SEMA3A: variants seen among roughly 807,000 people sequenced by gnomAD.
SEMA3A encodes semaphorin 3A, also known as semaphorin-3A.
Under a neutral mutation model 97.9 loss-of-function variants are expected in SEMA3A, and 29 were observed. The observed-to-expected ratio is 0.30, with a 90% CI of 0.22 to 0.40. The LOEUF is 0.40. Ranked by LOEUF, SEMA3A falls within the 10% of genes least tolerant of loss-of-function variation. The pLI, the probability that SEMA3A is intolerant of heterozygous loss-of-function variation, is 1.00. For missense variants in SEMA3A, 763 were observed against 951.3 expected, an observed-to-expected ratio of 0.80 and a Z score of 2.60; for synonymous variants, 321 against 323.7, an observed-to-expected ratio of 0.99 and a Z score of 0.09.
Position 84,106,145 on chromosome 7 carries a change from G to T in SEMA3A, c.453+4325C>A, listed in dbSNP as rs1015611769. Among the ~76,000 whole-genome samples, 6 of 152,258 alleles carry T rather than the reference G, an allele frequency of 3.9e-5. No homozygotes were observed. In the East Asian group the frequency reaches 1.2e-3, roughly 29 times the overall value. ...GTAGATTTTGGAATACGCTATTCAG[G>T]AGTGTAAATACAGTCAGGTGACACA... is the stretch of plus-strand genomic sequence containing the variant. On this transcript the variant is annotated intron_variant, in intron 4 of 16. Transcript: ENST00000265362.
At chr7:84,068,630 C>T (rs144791608) in intron 4 of SEMA3A, among the ~76,000 whole-genome samples, 4 of 152,076 alleles carry the variant, frequency 2.6e-5, no homozygotes, top group Non-Finnish European at 5.9e-5. Flanking sequence ...TTCTTGTACT[C>T]AATAAGACAT....
chr7:84,216,962 A>C (rs1798767768), intron 3 of SEMA3A, among the ~76,000 whole-genome samples: 1 of 152,198 alleles, frequency 6.6e-6, no homozygotes, highest in Non-Finnish European at 1.5e-5. Context: ...CCCATATTGC[A>C]ATCAATTTGA....
intron 1 of SEMA3A, among the ~76,000 whole-genome samples, chr7:84,456,623 AT>A (rs1346858077): frequency 2.6e-5 from 4 of 151,830 alleles, no homozygotes; most frequent in African/African-American, 9.7e-5. Context: ...GCATACCTGG[AT>A]TTAGGTAACT....
chr7:84,289,477 C>T (rs371141264), intron 3 of SEMA3A, among the ~76,000 whole-genome samples: 1 of 151,970 alleles, frequency 6.6e-6, no homozygotes, highest in Non-Finnish European at 1.5e-5. Context: ...CCATACTATA[C>T]CCCATAAATA....
chr7:83,980,673 T>C (rs2116317467), intron 14 of SEMA3A, among the ~76,000 whole-genome samples: 1 of 145,062 alleles, frequency 6.9e-6, no homozygotes, highest in African/African-American at 2.5e-5. Context: ...TATACACATA[T>C]ACATATAGAT....
At chr7:84,107,678 T>G (rs1463957616) in intron 4 of SEMA3A, among the ~76,000 whole-genome samples, 2 of 152,246 alleles carry the variant, frequency 1.3e-5, no homozygotes, top group East Asian at 3.9e-4. Flanking sequence ...ACCTCTTCAT[T>G]TCCCCAGCTG....
chr7:84,302,955 C>CAAAGAA (rs1317812390), intron 3 of SEMA3A, among the ~76,000 whole-genome samples: 1 of 151,404 alleles, frequency 6.6e-6, no homozygotes, highest in Non-Finnish European at 1.5e-5. Context: ...TACAGATTAG[C>CAAAGAA]AAAGAAAAAG....
chr7:84,227,382 T>G (rs2116348248), intron 3 of SEMA3A, among the ~76,000 whole-genome samples: 1 of 152,090 alleles, frequency 6.6e-6, no homozygotes, highest in South Asian at 2.1e-4. Flanking sequence ...CCTCATTTCT[T>G]GAAACAACAG....
At chr7:84,492,119 G>A (rs549890129) in intron 1 of SEMA3A, among the ~76,000 whole-genome samples, 8 of 152,112 alleles carry the variant, frequency 5.3e-5, no homozygotes, top group East Asian at 1.9e-4. Context: ...GTGTGTTCTC[G>A]AAACTGACAA....
At chr7:84,369,376 T>C (rs540487574) in intron 2 of SEMA3A, among the ~76,000 whole-genome samples, 3 of 150,886 alleles carry the variant, frequency 2.0e-5, no homozygotes, top group Admixed American at 1.3e-4. Flanking sequence ...TTCAACGTAC[T>C]TTTTTTTCCA....
At chr7:84,076,100 T>C (rs1490552050) in intron 4 of SEMA3A, among the ~76,000 whole-genome samples, 4 of 152,156 alleles carry the variant, frequency 2.6e-5, no homozygotes, top group Non-Finnish European at 5.9e-5. Flanking sequence ...GCAAAACCTA[T>C]AGAAATTTAG....
At chr7:84,280,460 T>C (rs1036524152) in intron 3 of SEMA3A, among the ~76,000 whole-genome samples, 164 of 152,258 alleles carry the variant, frequency 1.1e-3, no homozygotes, top group Middle Eastern at 3.4e-3. Context: ...AGAAATCCTT[T>C]GTTCCATTAC....
chr7:84,409,902 T>C (rs1016332618), intron 1 of SEMA3A, among the ~76,000 whole-genome samples: 1 of 152,136 alleles, frequency 6.6e-6, no homozygotes, highest in African/African-American at 2.4e-5. Context: ...TCTCCTATTG[T>C]GAGGTATAAA....
chr7:84,403,709 G>A (rs1057342815), intron 1 of SEMA3A, among the ~76,000 whole-genome samples: 1 of 152,118 alleles, frequency 6.6e-6, no homozygotes, highest in Non-Finnish European at 1.5e-5. Flanking sequence ...CCAGAGGAAC[G>A]ATCAGGCAGC....
chr7:84,459,942 G>T (rs535995299), intron 1 of SEMA3A, among the ~76,000 whole-genome samples: 1 of 152,124 alleles, frequency 6.6e-6, no homozygotes, highest in Non-Finnish European at 1.5e-5. Flanking sequence ...TGGGAAGATC[G>T]CTTGAGTCTG....
chr7:84,244,733 C>T (rs1799441913), intron 3 of SEMA3A, among the ~76,000 whole-genome samples: 1 of 152,022 alleles, frequency 6.6e-6, no homozygotes. Flanking sequence ...CCAGTTTTTC[C>T]TTTCCATATT....
chr7:83,968,449 T>C (rs1266709331), intron 15 of SEMA3A, among the ~76,000 whole-genome samples: 1 of 152,232 alleles, frequency 6.6e-6, no homozygotes, highest in East Asian at 1.9e-4. Flanking sequence ...AAAATTTTTC[T>C]TTCTGGTTTT....
At chr7:84,460,127 A>C (rs950383776) in intron 1 of SEMA3A, among the ~76,000 whole-genome samples, 2 of 152,216 alleles carry the variant, frequency 1.3e-5, no homozygotes, top group Non-Finnish European at 2.9e-5. Flanking sequence ...TAATGTTATT[A>C]CTTCTACTTT....
chr7:84,021,388 C>A (rs1337074848), intron 6 of SEMA3A, among the ~76,000 whole-genome samples: 1 of 152,058 alleles, frequency 6.6e-6, no homozygotes, highest in African/African-American at 2.4e-5. Context: ...CCTCTCTCGC[C>A]TTCAGCTTCT....
Sources: allele counts gnomAD v4.1 joint callset (sites outside exome capture counted in the v4.1 genomes callset), GRCh38; gene constraint gnomAD v4.1.1; transcripts MANE v1.5; gene names NCBI Gene and HGNC (gene_info 2026-07-23, HGNC 2026-07-21).